The following CSNK1G1 variants were observed in gnomAD, a reference collection of about 807,000 sequenced individuals.
CSNK1G1 encodes casein kinase I isoform gamma-1.
Under a neutral mutation model 59.6 loss-of-function variants are expected in CSNK1G1, and 22 were observed. The ratio of observed to expected loss-of-function variants is 0.37; its 90% CI spans 0.26 to 0.53. CSNK1G1 has a LOEUF of 0.53. Ranked by LOEUF, CSNK1G1 falls within the 20% of genes least tolerant of loss-of-function variation. The pLI is 0.89. For missense variants in CSNK1G1, 384 were observed against 519.5 expected, an observed-to-expected ratio of 0.74 and a Z score of 2.54; for synonymous variants, 179 against 177.1, an observed-to-expected ratio of 1.01 and a Z score of -0.08.
At chr15:64,255,020 T>C (rs1337067336) in intron 3 of CSNK1G1, among the ~76,000 whole-genome samples, 4 of 152,204 alleles carry the variant, frequency 2.6e-5, no homozygotes, top group Non-Finnish European at 5.9e-5. Context: ...ATCCAGTTTT[T>C]CTGGCATCAT....
intron 7 of CSNK1G1, 151 bp downstream of exon 7, chr15:64,207,358 A>AC: frequency 1.8e-6 from 1 of 563,336 alleles, no homozygotes; most frequent in South Asian, 2.2e-5. Flanking sequence ...CAATCCTCCC[A>AC]CCTCAGCCTC....
At chr15:64,206,398 C>T (rs539384126) in intron 7 of CSNK1G1, among the ~76,000 whole-genome samples, 2 of 151,946 alleles carry the variant, frequency 1.3e-5, no homozygotes, top group Non-Finnish European at 1.5e-5. Context: ...CGAGATTGCA[C>T]CACTGCACTC....
chr15:64,273,394 T>C (rs779300957), intron 2 of CSNK1G1, among the ~76,000 whole-genome samples: 2 of 152,200 alleles, frequency 1.3e-5, no homozygotes, highest in Non-Finnish European at 2.9e-5. Flanking sequence ...TAACAGAACA[T>C]ATAAAGAATA....
At chr15:64,222,852 A>G (rs1002813513) in intron 4 of CSNK1G1, among the ~76,000 whole-genome samples, 1 of 152,186 alleles carries the variant, frequency 6.6e-6, no homozygotes, top group Non-Finnish European at 1.5e-5. Context: ...TATGATTAAT[A>G]TAAGGATTCA....
intron 2 of CSNK1G1, among the ~76,000 whole-genome samples, chr15:64,271,688 T>C (rs115146976): frequency 1.5e-4 from 23 of 152,336 alleles, no homozygotes; most frequent in South Asian, 4.1e-4. Flanking sequence ...AAATATGTGG[T>C]TGATTTTAGA....
At chr15:64,345,807 T>G (rs1897926810) in intron 1 of CSNK1G1, among the ~76,000 whole-genome samples, 2 of 152,180 alleles carry the variant, frequency 1.3e-5, no homozygotes, top group African/African-American at 4.8e-5. Flanking sequence ...ACTTATTTTT[T>G]TTTGAGATGG....
At chr15:64,207,850 T>G (rs1348307364) in intron 6 of CSNK1G1, among the ~76,000 whole-genome samples, 3 of 151,650 alleles carry the variant, frequency 2.0e-5, no homozygotes, top group African/African-American at 4.9e-5. Context: ...CCCAAATCAC[T>G]AAACAGTGAA....
chr15:64,308,790 G>A (rs1215240922), intron 1 of CSNK1G1, among the ~76,000 whole-genome samples: 3 of 151,946 alleles, frequency 2.0e-5, no homozygotes, highest in Non-Finnish European at 4.4e-5. Context: ...CCAGCTACTC[G>A]GGAAGCTGAG....
intron 1 of CSNK1G1, among the ~76,000 whole-genome samples, chr15:64,307,580 T>C (rs1445161342): frequency 6.6e-6 from 1 of 152,170 alleles, no homozygotes; most frequent in East Asian, 1.9e-4. Flanking sequence ...TTCATGTACA[T>C]ATATATATAC....
intron 8 of CSNK1G1, 123 bp from the exon 9 acceptor site, chr15:64,204,712 C>G: frequency 8.0e-7 from 1 of 1,248,902 alleles, no homozygotes; most frequent in Non-Finnish European, 1.1e-6. Flanking sequence ...GTTTTCTTTA[C>G]TGACAAAATA....
chr15:64,274,546 C>A (rs1363601599), intron 2 of CSNK1G1, among the ~76,000 whole-genome samples: 1 of 152,196 alleles, frequency 6.6e-6, no homozygotes, highest in Non-Finnish European at 1.5e-5. Context: ...AAATCCACAA[C>A]GCTTCCCAAG....
At chr15:64,178,106 T>C (rs2081762484) in intron 11 of CSNK1G1, among the ~76,000 whole-genome samples, 1 of 152,208 alleles carries the variant, frequency 6.6e-6, no homozygotes, top group Non-Finnish European at 1.5e-5. Flanking sequence ...GAGGCCAGAC[T>C]CAGACATTTG....
intron 1 of CSNK1G1, among the ~76,000 whole-genome samples, chr15:64,315,091 C>A (rs1216336785): frequency 6.6e-6 from 1 of 152,184 alleles, no homozygotes; most frequent in East Asian, 1.9e-4. Context: ...TACATTCTTA[C>A]TCTGTCAGAT....
At chr15:64,234,158 T>C (rs936765030) in intron 4 of CSNK1G1, among the ~76,000 whole-genome samples, 1 of 152,148 alleles carries the variant, frequency 6.6e-6, no homozygotes, top group Admixed American at 6.6e-5. Context: ...TTCTGCTCCC[T>C]AAGAGGAACA....
intron 11 of CSNK1G1, among the ~76,000 whole-genome samples, chr15:64,179,323 G>C (rs970873625): frequency 6.6e-6 from 1 of 152,164 alleles, no homozygotes; most frequent in African/African-American, 2.4e-5. Context: ...AGTACATCTG[G>C]AAGGTGGAAG....
rs147165204 is a variant in CSNK1G1, at chr15:64,348,691, G to A, written c.-225+7297C>T. ...TGGAAAAGAATTCCAGCTGGGAAGC[G>A]GCTTGATCACAGCTGTGGTTAGCAA... On this transcript the variant is annotated intron_variant, in intron 1 of 11. Transcript: ENST00000303052. Among the ~76,000 whole-genome samples, 778 of 152,168 alleles carry A rather than the reference G, an allele frequency of 5.1e-3. 10 individuals are homozygous for A. The highest frequency in any genetic ancestry group is 0.017 in the African/African-American group (718 of 41,494).
At chr15:64,287,042 T>C (rs535027496) in intron 2 of CSNK1G1, among the ~76,000 whole-genome samples, 141 of 152,324 alleles carry the variant, frequency 9.3e-4, no homozygotes, top group African/African-American at 3.1e-3. Context: ...TTTATTCTGA[T>C]GTCTTTTGTA....
intron 4 of CSNK1G1, among the ~76,000 whole-genome samples, chr15:64,231,039 A>C (rs2082541079): frequency 6.6e-6 from 1 of 151,836 alleles, no homozygotes; most frequent in African/African-American, 2.4e-5. Flanking sequence ...TTAGAACATT[A>C]ATTAAGCCTG....
At chr15:64,305,115 A>G (rs966065475) in intron 1 of CSNK1G1, among the ~76,000 whole-genome samples, 4 of 152,098 alleles carry the variant, frequency 2.6e-5, no homozygotes, top group African/African-American at 9.7e-5. Context: ...AAACACCCCA[A>G]CAAATTTCCC....
Sources: allele counts gnomAD v4.1 joint callset (sites outside exome capture counted in the v4.1 genomes callset), GRCh38; gene constraint gnomAD v4.1.1; transcripts MANE v1.5; gene names NCBI Gene and HGNC (gene_info 2026-07-23, HGNC 2026-07-21).